The following PLD1 variants were observed in gnomAD, a reference collection of about 807,000 sequenced individuals.
PLD1 encodes the protein phospholipase D1.
In PLD1, 112 loss-of-function variants were observed where a neutral mutation model predicts 137.1. The ratio of observed to expected loss-of-function variants is 0.82; its 90% CI spans 0.70 to 0.96. PLD1 has a LOEUF of 0.96. PLD1 is among the 40% of genes least tolerant of loss of function. The pLI, the probability that PLD1 is intolerant of heterozygous loss-of-function variation, is 0.00. For missense variants in PLD1, 1,321 were observed against 1,342.0 expected (o/e 0.98, Z 0.24); for synonymous variants, 431 against 454.7 (o/e 0.95, Z 0.66).
chr3:171,771,594 T>C (rs1722354306), intron 1 of PLD1, among the ~76,000 whole-genome samples: 1 of 152,196 alleles, frequency 6.6e-6, no homozygotes, highest in Non-Finnish European at 1.5e-5. Context: ...TTCTCTCCCC[T>C]CAGACACTGC....
At chr3:171,665,080 A>T (rs1180248079) in intron 19 of PLD1, among the ~76,000 whole-genome samples, 1 of 152,270 alleles carries the variant, frequency 6.6e-6, no homozygotes, top group Middle Eastern at 3.4e-3. Context: ...CTCACTCTCA[A>T]AATTTGCTCT....
At chr3:171,798,143 G>A (rs1412830060) in intron 1 of PLD1, among the ~76,000 whole-genome samples, 2 of 152,138 alleles carry the variant, frequency 1.3e-5, no homozygotes, top group East Asian at 1.9e-4. Flanking sequence ...AAAGTGAGTC[G>A]GACAGGATCA....
At chr3:171,673,753 T>C (rs1414131933) in intron 19 of PLD1, among the ~76,000 whole-genome samples, 2 of 152,244 alleles carry the variant, frequency 1.3e-5, no homozygotes, top group Non-Finnish European at 2.9e-5. Flanking sequence ...ACTGATGATA[T>C]GTAGCAGTAG....
intron 1 of PLD1, among the ~76,000 whole-genome samples, chr3:171,745,726 C>A (rs1720103790): frequency 1.3e-5 from 2 of 152,188 alleles, no homozygotes; most frequent in African/African-American, 4.8e-5. Flanking sequence ...TGAGAGGTGA[C>A]AACGTGCTAG....
chr3:171,705,927 T>C (rs1274478166), intron 11 of PLD1, among the ~76,000 whole-genome samples: 1 of 152,198 alleles, frequency 6.6e-6, no homozygotes, highest in African/African-American at 2.4e-5. Context: ...TTTATATTTT[T>C]AAAGAGTTGT....
intron 1 of PLD1, among the ~76,000 whole-genome samples, chr3:171,739,347 CTG>C (rs1001046785): frequency 6.6e-6 from 1 of 152,114 alleles, no homozygotes; most frequent in Non-Finnish European, 1.5e-5. Flanking sequence ...GAGAAAGAGA[CTG>C]TGTTTGGAAA....
chr3:171,731,504 G>A (rs1489570790), intron 6 of PLD1, among the ~76,000 whole-genome samples: 2 of 152,172 alleles, frequency 1.3e-5, no homozygotes, highest in African/African-American at 4.8e-5. Flanking sequence ...GAGGGAGGCT[G>A]GGCACGGTGG....
In PLD1 at chr3:171,602,973, T is replaced by C. The variant is rs996739348; in HGVS notation, c.*105A>G. On this transcript the variant is annotated 3_prime_UTR_variant, in exon 27 of 27. Transcript: ENST00000351298. The stretch of plus-strand genomic sequence containing the variant: ...CATTCCAAAAGGTCCTTGGGTTGGA[T>C]ACGAGAATGCGTCAGGCCTGGCTTT... The C allele has an allele frequency of 7.8e-6, 6 of 766,922 alleles. No homozygotes were observed. The Admixed American group carries it at 1.3e-4, about 17-fold the overall frequency. The allele number at this position is 766,922 out of a possible 1,614,324, so 47.5% of individuals were successfully genotyped here.
Position 171,687,460 on chromosome 3 carries a change from CT to C in PLD1, c.1663del (p.Arg555GlufsTer42). 6.2e-7 allele frequency: 1 copy of C among 1,614,122 alleles called. No homozygotes were observed. The highest frequency in any genetic ancestry group is 8.5e-7 in the Non-Finnish European group (1 of 1,180,026). On this transcript the variant is annotated frameshift_variant, in exon 15 of 27. Coordinates refer to ENST00000351298, the MANE Select transcript of PLD1 (RefSeq NM_002662.5). LOFTEE classifies it high-confidence loss of function. Reference sequence around the variant, plus strand: ...GTAGAGACTAAATTTGGAGAACTTTCTTGGCTTTCCTATTCCTTTCAGTTTT... The same window carrying C: ...GTAGAGACTAAATTTGGAGAACTTTCTGGCTTTCCTATTCCTTTCAGTTTT... Reference protein sequence around the residue: ...DSKLKGIGKPRKFSKFSLYKQ... With the variant: ...DSKLKGIGKPXKFSKFSLYKQ...
intron 1 of PLD1, among the ~76,000 whole-genome samples, chr3:171,796,612 G>A (rs1723448571): frequency 1.3e-5 from 2 of 152,142 alleles, no homozygotes; most frequent in African/African-American, 4.8e-5. Context: ...AAACCTTTAA[G>A]AGTATCTAGT....
chr3:171,807,614 C>G (rs888888359), intron 1 of PLD1, among the ~76,000 whole-genome samples: 1 of 152,150 alleles, frequency 6.6e-6, no homozygotes, highest in Non-Finnish European at 1.5e-5. Flanking sequence ...AACATTTATA[C>G]ACTGTCGGTT....
At chr3:171,614,541 G>A (rs1732934230) in intron 24 of PLD1, among the ~76,000 whole-genome samples, 1 of 152,200 alleles carries the variant, frequency 6.6e-6, no homozygotes, top group South Asian at 2.1e-4. Context: ...TCAGATCCTT[G>A]TTAACTCTAC....
intron 7 of PLD1, 118 bp from the exon 8 acceptor site, chr3:171,724,906 A>G (rs1718390660): frequency 1.4e-6 from 1 of 707,930 alleles, no homozygotes; most frequent in Admixed American, 2.0e-5. Flanking sequence ...TTTCCTCCCT[A>G]CTCTCTCCTC....
chr3:171,738,865 G>A (rs1307343598), intron 1 of PLD1, among the ~76,000 whole-genome samples: 1 of 152,180 alleles, frequency 6.6e-6, no homozygotes, highest in African/African-American at 2.4e-5. Flanking sequence ...GTAAAATATT[G>A]AGATTCAAGC....
At chr3:171,788,193 CA>C (rs1282515100) in intron 1 of PLD1, among the ~76,000 whole-genome samples, 216 of 115,550 alleles carry the variant, frequency 1.9e-3, no homozygotes, top group African/African-American at 5.1e-3. Flanking sequence ...AAATCCATCT[CA>C]AAAAAAAAAA....
intron 1 of PLD1, among the ~76,000 whole-genome samples, chr3:171,802,412 C>T (rs544312675): frequency 7.9e-5 from 12 of 152,250 alleles, no homozygotes; most frequent in African/African-American, 2.9e-4. Flanking sequence ...GGGAAAAAAC[C>T]TTTCCAAGGA....
At chr3:171,709,424 TCA>T (rs1397352064) in intron 10 of PLD1, 134 bp downstream of exon 10, 2 of 621,322 alleles carry the variant, frequency 3.2e-6, no homozygotes, top group Non-Finnish European at 5.3e-6. Context: ...CCCATAATTA[TCA>T]CAAAAAGAGA....
At chr3:171,710,408 A>G (rs1275942597) in intron 9 of PLD1, among the ~76,000 whole-genome samples, 1 of 152,078 alleles carries the variant, frequency 6.6e-6, no homozygotes, top group Non-Finnish European at 1.5e-5. Flanking sequence ...GATGATGGGG[A>G]GTAGTTTCGA....
chr3:171,647,982 T>C (rs1736408731), intron 21 of PLD1, among the ~76,000 whole-genome samples: 1 of 152,198 alleles, frequency 6.6e-6, no homozygotes, highest in Non-Finnish European at 1.5e-5. Flanking sequence ...ACTTGTCCTT[T>C]ATGTCTGACT....
Sources: gnomAD v4.1 joint callset for allele counts (sites outside exome capture counted in the v4.1 genomes callset) on GRCh38, gnomAD v4.1.1 for gene constraint, MANE v1.5 for transcripts, NCBI Gene and HGNC (gene_info 2026-07-23, HGNC 2026-07-21) for gene names.